Variants in SLC25A12 observed in about 807,000 individuals in gnomAD.
SLC25A12 encodes the protein electrogenic aspartate/glutamate antiporter SLC25A12, mitochondrial.
A neutral mutation model predicts 83.3 loss-of-function variants in SLC25A12; 32 were observed. The ratio of observed to expected loss-of-function variants is 0.38; its 90% CI spans 0.29 to 0.52. The LOEUF (loss-of-function observed/expected upper bound fraction) is 0.52, where lower values mean the gene tolerates loss of function less well. SLC25A12 is among the 20% of genes least tolerant of loss of function. SLC25A12 has a pLI of 0.84. For synonymous variants in SLC25A12, 267 were observed against 291.1 expected (o/e 0.92, Z 0.84); for missense variants, 611 against 835.6 (o/e 0.73, Z 3.31).
intron 2 of SLC25A12, chr2:171,871,626 T>C: frequency 2.8e-6 from 2 of 724,002 alleles, no homozygotes; most frequent in South Asian, 6.2e-5. Context: ...GGCCCTCACC[T>C]GTATCTTTGT....
Position 171,844,380 on chromosome 2 carries a change from G to A in SLC25A12, c.454C>T (p.Gln152Ter). 6.2e-7 allele frequency: 1 copy of A among 1,613,978 alleles called. No homozygotes were observed. The highest frequency in any genetic ancestry group is 8.5e-7 in the Non-Finnish European group (1 of 1,179,916). Residue 152 changes from glutamine (Q) to a stop codon, truncating the protein, a stop_gained, in exon 5 of 18, where the codon CAG (glutamine) becomes TAG (stop). Transcript: ENST00000422440. LOFTEE classifies it high-confidence loss of function. ...KKHLNYTEFT[Q>*]FLQELQLEHA... ...AAAACTAAGCTCACCTGGAGAAACT[G>A]CGTGAATTCTGTGTAGTTAAGATGC...
Position 171,833,854 on chromosome 2 carries a change from T to A in SLC25A12, c.845+109A>T, listed in dbSNP as rs148151167. 688 of 719,606 alleles carry A rather than the reference T, an allele frequency of 9.6e-4. 1 individual carries two copies. The Middle Eastern group carries it at 0.011, about 11-fold the overall frequency. 44.6% of individuals were successfully genotyped at this position (719,606 alleles called of 1,614,324 possible). A position where few individuals can be genotyped will look rare whatever the true frequency, so the allele number is the denominator to read the frequency against. ...AATTTATATTCTGAATATAAACTAT[T>A]CAAATACATGGAAAAAACTCATGTT... On this transcript the variant is annotated intron_variant, in intron 8 of 17. Coordinates refer to ENST00000422440, the MANE Select transcript of SLC25A12 (RefSeq NM_003705.5).
At chr2:171,802,485 T>A (rs1384854048) in intron 13 of SLC25A12, among the ~76,000 whole-genome samples, 2 of 152,046 alleles carry the variant, frequency 1.3e-5, no homozygotes, top group Non-Finnish European at 1.5e-5. Context: ...GATTTAAAAA[T>A]CTGAAAATGG....
intron 17 of SLC25A12, among the ~76,000 whole-genome samples, chr2:171,786,925 T>C (rs1690499716): frequency 6.6e-6 from 1 of 152,278 alleles, no homozygotes; most frequent in South Asian, 2.1e-4. Flanking sequence ...AAAGTGTTAC[T>C]GGTATACATT....
chr2:171,860,145 T>C (rs1051758899), intron 3 of SLC25A12, among the ~76,000 whole-genome samples: 6 of 152,292 alleles, frequency 3.9e-5, no homozygotes, highest in African/African-American at 1.4e-4. Flanking sequence ...ATGATTAAAA[T>C]GGTAAATGTT....
intron 9 of SLC25A12, among the ~76,000 whole-genome samples, chr2:171,821,734 C>T (rs1014864344): frequency 6.6e-6 from 1 of 152,178 alleles, no homozygotes; most frequent in African/African-American, 2.4e-5. Context: ...ATTCTGGATA[C>T]AGATCCTCTA....
At chr2:171,889,998 C>A (rs1685897983) in intron 2 of SLC25A12, among the ~76,000 whole-genome samples, 1 of 152,200 alleles carries the variant, frequency 6.6e-6, no homozygotes, top group Non-Finnish European at 1.5e-5. Flanking sequence ...ATGTAAGAAG[C>A]CAATCTGATT....
chr2:171,821,494 A>G (rs1375322708), intron 9 of SLC25A12, among the ~76,000 whole-genome samples: 1 of 152,200 alleles, frequency 6.6e-6, no homozygotes, highest in African/African-American at 2.4e-5. Context: ...CTTGAACAAC[A>G]CTTGCCATTG....
Position 171,844,519 on chromosome 2 carries a change from A to G in SLC25A12, c.326-11T>C. The G allele has an allele frequency of 6.5e-7, 1 of 1,527,626 alleles. No homozygotes were observed. The highest frequency in any genetic ancestry group is 9.1e-7 in the Non-Finnish European group (1 of 1,101,816). 94.6% of individuals were successfully genotyped at this position (1,527,626 alleles called of 1,614,324 possible). On this transcript the variant is annotated splice_polypyrimidine_tract_variant and intron_variant, in intron 4 of 17. Coordinates refer to ENST00000422440, the MANE Select transcript of SLC25A12 (RefSeq NM_003705.5). ...TTTCTTTGACATTTTCTTAAAAGGG[A>G]AAACAAAAATAAATCAATTATATCT...
chr2:171,848,615 AAAAAGAAAAC>A (rs1329951536), intron 4 of SLC25A12, among the ~76,000 whole-genome samples: 2 of 152,214 alleles, frequency 1.3e-5, no homozygotes, highest in Non-Finnish European at 2.9e-5. Context: ...TGGGAAGCCA[AAAAAGAAAAC>A]AAAGGAAAAC....
chr2:171,893,357 T>C, intron 1 of SLC25A12, 99 bp from the exon 2 acceptor site: 1 of 1,016,560 alleles, frequency 9.8e-7, no homozygotes, highest in South Asian at 1.3e-5. Context: ...AATGCTCCTA[T>C]CTTTTATCAT....
intron 5 of SLC25A12, among the ~76,000 whole-genome samples, chr2:171,841,216 A>G (rs568363580): frequency 6.6e-6 from 1 of 152,202 alleles, no homozygotes; most frequent in South Asian, 2.1e-4. Flanking sequence ...AGTAGCTGGG[A>G]TTACAGGTGC....
At position 171,784,833 on chromosome 2, in the gene SLC25A12, A is replaced by G. The variant is rs1055741489; in HGVS notation, c.*441T>C. The G allele has an allele frequency of 5.3e-6, 1 of 188,720 alleles. No homozygotes were observed. Among genetic ancestry groups the G allele is most frequent in the African/African-American group, 2.3e-5 (1 of 42,698 alleles). 11.7% of individuals were successfully genotyped at this position (188,720 alleles called of 1,614,324 possible). On this transcript the variant is annotated 3_prime_UTR_variant, in exon 18 of 18. Coordinates refer to ENST00000422440, the MANE Select transcript of SLC25A12 (RefSeq NM_003705.5). ...AGTCACCAATAAGAGAATGAATTTAATTTTAATACATTTATTTTTGTGTGA... is the reference window on the plus strand; with the variant it reads ...AGTCACCAATAAGAGAATGAATTTAGTTTTAATACATTTATTTTTGTGTGA...
chr2:171,783,550 G>T lies in SLC25A12; in HGVS notation c.*1724C>A, dbSNP rs189242897. On this transcript the variant is annotated 3_prime_UTR_variant, in exon 18 of 18. Transcript: ENST00000422440. ...TGTACATATATTTCTATAGAGTTAT[G>T]AAAAACAGACTACATATTCATGCTG... is the stretch of plus-strand genomic sequence containing the variant. Among the ~76,000 whole-genome samples, 1 of 152,212 alleles carries T rather than the reference G, an allele frequency of 6.6e-6. No homozygotes were observed. Among genetic ancestry groups the T allele is most frequent in the Admixed American group, 6.5e-5 (1 of 15,292 alleles).
chr2:171,864,434 G>A (rs564325267), intron 3 of SLC25A12, among the ~76,000 whole-genome samples: 2 of 152,192 alleles, frequency 1.3e-5, no homozygotes, highest in East Asian at 3.9e-4. Context: ...TGTTATTTCT[G>A]TCTTTTCACA....
intron 9 of SLC25A12, among the ~76,000 whole-genome samples, chr2:171,817,600 C>CAAAGAAA (rs1684080731): frequency 1.6e-5 from 1 of 64,252 alleles, no homozygotes; most frequent in African/African-American, 6.7e-5. Flanking sequence ...GACTCTGCCT[C>CAAAGAAA]AAAAAAAAAA....
intron 4 of SLC25A12, among the ~76,000 whole-genome samples, chr2:171,851,646 T>C (rs1684936146): frequency 6.6e-6 from 1 of 152,042 alleles, no homozygotes; most frequent in Non-Finnish European, 1.5e-5. Flanking sequence ...GTAATCCTCC[T>C]ACCTCAGCCT....
intron 13 of SLC25A12, among the ~76,000 whole-genome samples, chr2:171,807,897 A>T (rs1366801800): frequency 6.6e-6 from 1 of 152,246 alleles, no homozygotes; most frequent in African/African-American, 2.4e-5. Context: ...AACTCTGCAG[A>T]GGACTCAGGT....
chr2:171,874,783 G>A (rs1304804354), intron 2 of SLC25A12, among the ~76,000 whole-genome samples: 3 of 152,158 alleles, frequency 2.0e-5, no homozygotes, highest in African/African-American at 7.2e-5. Context: ...TGCAGAAACA[G>A]AAAATCAAAT....
Sources: gnomAD v4.1 joint callset for allele counts (sites outside exome capture counted in the v4.1 genomes callset) on GRCh38, gnomAD v4.1.1 for gene constraint, MANE v1.5 for transcripts, NCBI Gene and HGNC (gene_info 2026-07-23, HGNC 2026-07-21) for gene names.